Variants in ZNF536 observed in about 807,000 individuals in gnomAD.
ZNF536 encodes zinc finger protein 536.
A neutral mutation model predicts 84.5 loss-of-function variants in ZNF536; 13 were observed. The observed-to-expected ratio is 0.15, with a 90% CI of 0.10 to 0.24. The LOEUF is 0.24. Among genes scored for constraint, ZNF536 ranks in the 10% least tolerant of loss-of-function variants. The pLI is 1.00. For synonymous variants in ZNF536, 811 were observed against 742.5 expected (o/e 1.09, Z -1.50); for missense variants, 1,536 against 1,747.5 (o/e 0.88, Z 2.16).
chr19:30,404,664 T>C (rs2050192387), intron 1 of ZNF536, among the ~76,000 whole-genome samples: 1 of 152,118 alleles, frequency 6.6e-6, no homozygotes, highest in African/African-American at 2.4e-5. Flanking sequence ...ACCATGATTT[T>C]CCTCTTCTCT....
chr19:30,653,697 G>A (rs1200812227), intron 1 of ZNF536, among the ~76,000 whole-genome samples: 1 of 152,066 alleles, frequency 6.6e-6, no homozygotes, highest in African/African-American at 2.4e-5. Context: ...CGCTCCCTTA[G>A]GAGCAGGTGA....
At chr19:30,446,019 C>A (rs552801612) in intron 2 of ZNF536, among the ~76,000 whole-genome samples, 1 of 151,834 alleles carries the variant, frequency 6.6e-6, no homozygotes, top group African/African-American at 2.4e-5. Flanking sequence ...CGCCCGAGGC[C>A]GGTGGATCAC....
At chr19:30,271,829 G>A (rs2025870722) in intron 1 of ZNF536, among the ~76,000 whole-genome samples, 1 of 152,120 alleles carries the variant, frequency 6.6e-6, no homozygotes, top group Non-Finnish European at 1.5e-5. Context: ...CCAGGAAGTG[G>A]CTGTAGGCCT....
Position 30,669,796 on chromosome 19 carries a change from T to C in ZNF536, c.170-40961T>C, listed in dbSNP as rs113819159. On this transcript the variant is annotated intron_variant, in intron 1 of 1. Coordinates refer to the ZNF536 transcript ENST00000592773. The stretch of plus-strand genomic sequence containing the variant: ...AAACTGTTCCTATTGTTGGAAAAAA[T>C]TAAAGGAGAAAAGACCTCAGGTTAA... Among the ~76,000 whole-genome samples, 125 of 152,228 alleles carry C rather than the reference T, an allele frequency of 8.2e-4. 1 individual carries two copies. Among genetic ancestry groups the C allele is most frequent in the African/African-American group, 2.8e-3 (118 of 41,534 alleles).
In ZNF536 at chr19:30,346,807, C is replaced by T. The variant is rs193131238; in HGVS notation, c.-119-5561C>T. 8.5e-5 allele frequency among the ~76,000 whole-genome samples: 13 copies of T among 152,268 alleles called. No homozygotes were observed. In the South Asian group the frequency reaches 2.1e-3, roughly 24 times the overall value. On this transcript the variant is annotated intron_variant, in intron 2 of 5. Coordinates refer to the ZNF536 transcript ENST00000585628. ...TGTAAATAATGCTGCAATGAACATACGCATACATGTCTCTCTTTATAACAG... is the reference window on the plus strand; with the variant it reads ...TGTAAATAATGCTGCAATGAACATATGCATACATGTCTCTCTTTATAACAG...
chr19:30,698,778 C>T (rs973853274), intron 1 of ZNF536, among the ~76,000 whole-genome samples: 1 of 152,228 alleles, frequency 6.6e-6, no homozygotes, highest in Non-Finnish European at 1.5e-5. Flanking sequence ...AAGTTACTCT[C>T]CCGTCCCTTT....
intron 1 of ZNF536, among the ~76,000 whole-genome samples, chr19:30,583,204 T>G (rs73924789): frequency 0.025 from 3,880 of 152,172 alleles, 177 homozygotes; most frequent in African/African-American, 0.089. Context: ...TTGGAAGGAG[T>G]TCCTGGTCTC....
At chr19:30,601,970 C>T (rs962665204) in intron 1 of ZNF536, among the ~76,000 whole-genome samples, 1 of 152,204 alleles carries the variant, frequency 6.6e-6, no homozygotes, top group African/African-American at 2.4e-5. Context: ...TGAAAACGTC[C>T]TCTCCCCACA....
rs1280193074 is a variant in ZNF536, at chr19:30,545,491, G to A, written c.2324-2452G>A. ...CGGCTCACTGCAAGCTCCGCCTCCC[G>A]GGTTTACGCCATTCTCCTGCCTCAG... On this transcript the variant is annotated intron_variant, in intron 3 of 4. Coordinates refer to ENST00000355537, the MANE Select transcript of ZNF536 (RefSeq NM_014717.3). Among the ~76,000 whole-genome samples the A allele has an allele frequency of 3.6e-5, 5 of 138,810 alleles. No individual in the cohort carries two copies. The South Asian group carries it at 7.2e-4, about 20-fold the overall frequency. 91.1% of individuals were successfully genotyped at this position (138,810 alleles called of 152,430 possible).
chr19:30,495,360 A>G (rs1456722768), intron 2 of ZNF536, among the ~76,000 whole-genome samples: 1 of 152,228 alleles, frequency 6.6e-6, no homozygotes, highest in Non-Finnish European at 1.5e-5. Flanking sequence ...TTGCAGCAGT[A>G]TCTGGTACTA....
At chr19:30,595,112 T>C (rs1312793809) in intron 1 of ZNF536, among the ~76,000 whole-genome samples, 2 of 152,084 alleles carry the variant, frequency 1.3e-5, no homozygotes, top group Non-Finnish European at 2.9e-5. Context: ...CACAATGAAG[T>C]TGGGCCAGCC....
At chr19:30,572,678 T>C (rs2046592421) in intron 1 of ZNF536, among the ~76,000 whole-genome samples, 1 of 152,128 alleles carries the variant, frequency 6.6e-6, no homozygotes, top group South Asian at 2.1e-4. Context: ...GCTTACCTTC[T>C]ATGGGGACAC....
chr19:30,452,420 C>T (rs1301130095), intron 2 of ZNF536, among the ~76,000 whole-genome samples: 3 of 152,238 alleles, frequency 2.0e-5, no homozygotes, highest in East Asian at 1.9e-4. Flanking sequence ...GCATTTCCCA[C>T]GTCTGCCCCT....
intron 1 of ZNF536, among the ~76,000 whole-genome samples, chr19:30,421,849 C>T (rs977337324): frequency 3.9e-5 from 6 of 152,210 alleles, no homozygotes; most frequent in South Asian, 4.2e-4. Context: ...AGGCCAGGGC[C>T]GGCTGCAGGC....
chr19:30,315,495 A>C (rs2146164597), intron 2 of ZNF536, among the ~76,000 whole-genome samples: 1 of 152,270 alleles, frequency 6.6e-6, no homozygotes, highest in Admixed American at 6.5e-5. Flanking sequence ...TGGTTTGAGA[A>C]GGTCAACAGG....
chr19:30,706,301 G>A (rs965867462), intron 1 of ZNF536, among the ~76,000 whole-genome samples: 5 of 152,054 alleles, frequency 3.3e-5, no homozygotes, highest in East Asian at 1.9e-4. Flanking sequence ...TGGCTAACAC[G>A]GTGAAACCCC....
At chr19:30,261,131 T>C in intron 1 of ZNF536, among the ~76,000 whole-genome samples, 1 of 150,996 alleles carries the variant, frequency 6.6e-6, no homozygotes, top group Non-Finnish European at 1.5e-5. Flanking sequence ...ACCCCGTCTC[T>C]ACTAAAAATA....
At chr19:30,471,431 T>C (rs1238444906) in intron 2 of ZNF536, among the ~76,000 whole-genome samples, 5 of 152,198 alleles carry the variant, frequency 3.3e-5, no homozygotes, top group African/African-American at 1.2e-4. Flanking sequence ...AATAGAACAT[T>C]AAACCAAATT....
At chr19:30,630,888 T>A (rs2048863161) in intron 1 of ZNF536, among the ~76,000 whole-genome samples, 1 of 152,200 alleles carries the variant, frequency 6.6e-6, no homozygotes, top group Non-Finnish European at 1.5e-5. Context: ...CTGGATCAGA[T>A]AACAGATGCA....
Sources: allele counts gnomAD v4.1 joint callset (sites outside exome capture counted in the v4.1 genomes callset), GRCh38; gene constraint gnomAD v4.1.1; transcripts MANE v1.5; gene names NCBI Gene and HGNC (gene_info 2026-07-23, HGNC 2026-07-21).